PEAK1: variants seen among roughly 807,000 people sequenced by gnomAD.
The protein encoded by PEAK1 is inactive tyrosine-protein kinase PEAK1.
Under a neutral mutation model 124.7 loss-of-function variants are expected in PEAK1, and 54 were observed. That is an observed-to-expected ratio of 0.43 (90% CI 0.35 to 0.54). PEAK1 has a LOEUF of 0.54. PEAK1 is among the 20% of genes least tolerant of loss of function. The pLI, the probability that PEAK1 is intolerant of heterozygous loss-of-function variation, is 0.01. For missense variants in PEAK1, 2,046 were observed against 2,134.5 expected, an observed-to-expected ratio of 0.96 and a Z score of 0.82; for synonymous variants, 719 against 760.0, an observed-to-expected ratio of 0.95 and a Z score of 0.89.
intron 1 of PEAK1, among the ~76,000 whole-genome samples, chr15:77,379,903 A>C (rs1419654802): frequency 6.6e-6 from 1 of 152,190 alleles, no homozygotes; most frequent in East Asian, 1.9e-4. Flanking sequence ...TTCAATACTT[A>C]ATTTGGATAA....
intron 2 of PEAK1, among the ~76,000 whole-genome samples, chr15:77,327,003 T>C (rs1011448565): frequency 6.6e-6 from 1 of 152,122 alleles, no homozygotes; most frequent in Non-Finnish European, 1.5e-5. Context: ...TAGCAGCCTA[T>C]GATGTTTGAC....
At chr15:77,198,153 T>C (rs1414766508) in intron 6 of PEAK1, among the ~76,000 whole-genome samples, 4 of 152,174 alleles carry the variant, frequency 2.6e-5, no homozygotes, top group Non-Finnish European at 4.4e-5. Context: ...TATACTACTG[T>C]AATAATTTTG....
chr15:77,131,710 AAAATGTTTCTCTAG>A (rs1567006128), intron 9 of PEAK1, among the ~76,000 whole-genome samples: 1 of 152,228 alleles, frequency 6.6e-6, no homozygotes, highest in Non-Finnish European at 1.5e-5. Context: ...CTCCTCTATA[AAAATGTTTCTCTAG>A]GGAGCAAAGG....
chr15:77,420,474 C>A (rs1484709679), upstream of PEAK1: 2 of 165,040 alleles, frequency 1.2e-5, no homozygotes, highest in African/African-American at 4.8e-5. Flanking sequence ...TTCGATTAAG[C>A]CGCAGAGGAA....
intron 6 of PEAK1, among the ~76,000 whole-genome samples, chr15:77,193,316 A>C (rs2057936570): frequency 6.6e-6 from 1 of 152,166 alleles, no homozygotes; most frequent in Non-Finnish European, 1.5e-5. Flanking sequence ...TTTACACACA[A>C]ATTTAATTTG....
chr15:77,309,104 C>T (rs2064276188), intron 2 of PEAK1, among the ~76,000 whole-genome samples: 1 of 151,972 alleles, frequency 6.6e-6, no homozygotes, highest in South Asian at 2.1e-4. Context: ...TTATAATTTT[C>T]TTTGATATTA....
intron 2 of PEAK1, chr15:77,332,292 A>T (rs1597331488): frequency 1.0e-6 from 1 of 984,382 alleles, no homozygotes; most frequent in East Asian, 1.1e-4. Context: ...GTCACCATAT[A>T]TTTTTTGTTT....
At position 77,109,857 on chromosome 15, in the gene PEAK1, T is replaced by C. The variant is rs2050885037; in HGVS notation, c.*4299A>G. 6.6e-6 allele frequency: 1 copy of C among 152,222 alleles called. No homozygotes were observed. Among genetic ancestry groups the C allele is most frequent in the African/African-American group, 2.4e-5 (1 of 41,462 alleles). The allele number at this position is 152,222 out of a possible 1,614,324, so 9.4% of individuals were successfully genotyped here. On this transcript the variant is annotated 3_prime_UTR_variant, in exon 10 of 10. Coordinates refer to ENST00000682557, the MANE Select transcript of PEAK1 (RefSeq NM_001385026.1). ...TCTCACCCCTCTCCAAGAATGTTCA[T>C]ACTATATTTACACATCTAGAATCAT...
At chr15:77,174,107 CCCT>C (rs926409627) in intron 7 of PEAK1, among the ~76,000 whole-genome samples, 2 of 152,122 alleles carry the variant, frequency 1.3e-5, no homozygotes, top group African/African-American at 4.8e-5. Flanking sequence ...TAATGTTTCC[CCCT>C]ATTTGTTCCA....
At chr15:77,320,756 C>A (rs2065153916) in intron 2 of PEAK1, among the ~76,000 whole-genome samples, 1 of 152,086 alleles carries the variant, frequency 6.6e-6, no homozygotes, top group Non-Finnish European at 1.5e-5. Flanking sequence ...GTGTGCTGCA[C>A]CCATTAACTC....
In PEAK1 at chr15:77,419,126, A is replaced by G. The variant is rs1334390557; in HGVS notation, c.-666+880T>C. ...CAGCCTTCCAATAACTCCATTCCAC[A>G]GCTCTCAAATTCCTGAACTTGGATC... On this transcript the variant is annotated intron_variant, in intron 1 of 9. Transcript: ENST00000682557. The G allele has an allele frequency of 8.1e-6, 8 of 985,314 alleles. No homozygotes were observed. The Admixed American group carries it at 4.3e-4, about 53-fold the overall frequency. 61.0% of individuals were successfully genotyped at this position (985,314 alleles called of 1,614,324 possible).
chr15:77,411,412 T>A (rs2072401322), intron 1 of PEAK1, among the ~76,000 whole-genome samples: 1 of 152,154 alleles, frequency 6.6e-6, no homozygotes, highest in Admixed American at 6.5e-5. Flanking sequence ...GGAAAGGAAG[T>A]AAGAACAGAA....
At chr15:77,371,363 G>C (rs2068628588) in intron 1 of PEAK1, 1 of 922,162 alleles carries the variant, frequency 1.1e-6, no homozygotes, top group African/African-American at 1.8e-5. Context: ...GTAGAGAGAA[G>C]ATAAGGAACA....
chr15:77,334,238 A>C, intron 2 of PEAK1: 1 of 984,672 alleles, frequency 1.0e-6, no homozygotes, highest in Non-Finnish European at 1.2e-6. Context: ...TTTTAGTTCA[A>C]ATAGGCTTTC....
At chr15:77,408,541 T>A (rs76599728) in intron 1 of PEAK1, among the ~76,000 whole-genome samples, 31,338 of 146,910 alleles carry the variant, frequency 0.21, 3,966 homozygotes, top group Middle Eastern at 0.3. Flanking sequence ...AATAAAAATT[T>A]AAAAAAAAAA....
chr15:77,173,713 T>C (rs534564710), intron 7 of PEAK1, among the ~76,000 whole-genome samples: 7 of 152,364 alleles, frequency 4.6e-5, no homozygotes, highest in African/African-American at 1.7e-4. Context: ...TATCCTTTTC[T>C]AGCCACATGT....
In PEAK1 at chr15:77,349,336, G is replaced by A. The variant is rs945416561; in HGVS notation, c.-603+15827C>T. On this transcript the variant is annotated intron_variant, in intron 2 of 9. Coordinates refer to ENST00000682557, the MANE Select transcript of PEAK1 (RefSeq NM_001385026.1). ...TTACAGGCGTGAGCCACCGCGCCCG[G>A]CCTCAGTCAATAATTATTTTTTAAA... The A allele has an allele frequency of 6.1e-6, 6 of 981,504 alleles. 1 individual carries two copies. The South Asian group carries it at 2.4e-4, about 39-fold the overall frequency. 60.8% of individuals were successfully genotyped at this position (981,504 alleles called of 1,614,324 possible).
At chr15:77,262,846 G>C (rs1432218266) in intron 5 of PEAK1, among the ~76,000 whole-genome samples, 3 of 152,044 alleles carry the variant, frequency 2.0e-5, no homozygotes, top group South Asian at 2.1e-4. Flanking sequence ...TGACCACATA[G>C]TTGGAAGTAA....
rs183158548 is a variant in PEAK1 at position 77,418,830 on chromosome 15, A to G, written c.-666+1176T>C. ...ACTACATCACTTCATTTATCGGGGG[A>G]AAAAAAAAGACGCTGTGGCTGAACA... is the stretch of plus-strand genomic sequence containing the variant. On this transcript the variant is annotated intron_variant, in intron 1 of 9. Transcript: ENST00000682557. 1.2e-3 allele frequency: 1,135 copies of G among 981,282 alleles called. 10 individuals carry two copies. The African/African-American group carries it at 0.016, about 14-fold the overall frequency. The allele number at this position is 981,282 out of a possible 1,614,324, so 60.8% of individuals were successfully genotyped here. A position where few individuals can be genotyped will look rare whatever the true frequency, so the allele number is the denominator to read the frequency against.
Sources: allele counts gnomAD v4.1 joint callset (sites outside exome capture counted in the v4.1 genomes callset), GRCh38; gene constraint gnomAD v4.1.1; transcripts MANE v1.5; gene names NCBI Gene and HGNC (gene_info 2026-07-23, HGNC 2026-07-21).